POLA1: variants seen among roughly 807,000 people sequenced by gnomAD.
POLA1 encodes the protein DNA polymerase alpha 1, catalytic subunit.
Under a neutral mutation model 124.0 loss-of-function variants are expected in POLA1, and 15 were observed. The ratio of observed to expected loss-of-function variants is 0.12; its 90% CI spans 0.08 to 0.19. The LOEUF (loss-of-function observed/expected upper bound fraction) is 0.19, where lower values mean the gene tolerates loss of function less well. Among genes scored for constraint, POLA1 ranks in the 10% least tolerant of loss-of-function variants. The probability of loss-of-function intolerance (pLI) is 1.00; values close to 1 mark genes in which losing one functional copy is unlikely to be tolerated. For synonymous variants in POLA1, 408 were observed against 389.4 expected, an observed-to-expected ratio of 1.05 and a Z score of -0.56; for missense variants, 886 against 1,103.4, an observed-to-expected ratio of 0.80 and a Z score of 2.79.
At chrX:24,848,626 C>A (rs2046507246) in intron 34 of POLA1, among the ~76,000 whole-genome samples, 1 of 112,200 alleles carries the variant, frequency 8.9e-6, no homozygotes, top group Non-Finnish European at 1.9e-5. Context: ...ATCAAAAGTG[C>A]AATGAGGGCA....
intron 36 of POLA1, among the ~76,000 whole-genome samples, chrX:24,976,315 T>C (rs1366474838): frequency 8.9e-6 from 1 of 112,134 alleles, no homozygotes; most frequent in African/African-American, 3.2e-5. Context: ...GCAAGTTCCA[T>C]TGCCACTGTT....
chrX:24,978,314 A>G (rs2048388002), intron 36 of POLA1, among the ~76,000 whole-genome samples: 1 of 111,937 alleles, frequency 8.9e-6, no homozygotes, highest in Admixed American at 9.5e-5. Context: ...TGTGTGTACT[A>G]TCCTTTGAAC....
At chrX:24,808,521 T>G (rs991707569) in intron 26 of POLA1, among the ~76,000 whole-genome samples, 9 of 111,126 alleles carry the variant, frequency 8.1e-5, no homozygotes, top group East Asian at 2.8e-4. Flanking sequence ...TGTTTGTTTT[T>G]TTTTTTTTAA....
At chrX:24,701,583 C>G (rs767554873) in intron 2 of POLA1, among the ~76,000 whole-genome samples, 1 of 108,383 alleles carries the variant, frequency 9.2e-6, no homozygotes, top group African/African-American at 3.4e-5. Context: ...TTACAGGTGT[C>G]TGCCACCACG....
chrX:24,786,681 A>ATTTTT (rs1205219554), intron 26 of POLA1, among the ~76,000 whole-genome samples: 4 of 63,149 alleles, frequency 6.3e-5, no homozygotes, highest in Non-Finnish European at 1.2e-4. Flanking sequence ...GGCTTGGCTA[A>ATTTTT]TTTTTTTTTT....
intron 26 of POLA1, among the ~76,000 whole-genome samples, chrX:24,773,164 G>A (rs754164757): frequency 8.9e-6 from 1 of 112,194 alleles, no homozygotes; most frequent in African/African-American, 3.2e-5. Flanking sequence ...AGGACCTGAC[G>A]AAGTTTTTCA....
chrX:24,913,426 G>T (rs763518609), intron 35 of POLA1, among the ~76,000 whole-genome samples: 2 of 111,292 alleles, frequency 1.8e-5, no homozygotes, highest in East Asian at 5.6e-4. Flanking sequence ...AAAAGTCGTG[G>T]TAAGGCCAGG....
chrX:24,736,949 T>C (rs1358635515), intron 18 of POLA1, among the ~76,000 whole-genome samples: 1 of 112,253 alleles, frequency 8.9e-6, no homozygotes, highest in African/African-American at 3.2e-5. Flanking sequence ...CTTCATCTAA[T>C]TTTTGATAAA....
At position 24,741,396 on chromosome X, in the gene POLA1, C is replaced by T. The variant is rs764192007; in HGVS notation, c.2238C>T (p.Tyr746=). The change falls in exon 21 of 37, where the codon TAC becomes TAT. Residue 746 remains tyrosine (Y), a synonymous_variant. Transcript: ENST00000379068. ...ACAGTGAATCTTCTCAACTGTTATA[C>T]CTGTTGGAACACACCTGGAAAGATG... ...NMYSESSQLL[Y]LLEHTWKDAK... The T allele has an allele frequency of 8.4e-7, 1 of 1,191,096 alleles. No homozygotes were observed. Among genetic ancestry groups the T allele is most frequent in the Non-Finnish European group, 1.1e-6 (1 of 877,863 alleles).
At chrX:24,825,260 T>C (rs1044505534) in intron 31 of POLA1, among the ~76,000 whole-genome samples, 1 of 112,356 alleles carries the variant, frequency 8.9e-6, no homozygotes, top group Non-Finnish European at 1.9e-5. Flanking sequence ...GTTTGCTTCC[T>C]TTTTAGGTAT....
At chrX:24,711,710 G>T (rs754207391) in intron 4 of POLA1, among the ~76,000 whole-genome samples, 1 of 110,733 alleles carries the variant, frequency 9.0e-6, no homozygotes, top group Non-Finnish European at 1.9e-5. Flanking sequence ...TGATTCTTCC[G>T]CCTCAGCCTC....
At chrX:24,795,428 T>C (rs966327460) in intron 26 of POLA1, among the ~76,000 whole-genome samples, 2 of 111,544 alleles carry the variant, frequency 1.8e-5, no homozygotes, top group African/African-American at 6.5e-5. Flanking sequence ...TTTAATCTCT[T>C]CTTGGGTGAC....
intron 34 of POLA1, among the ~76,000 whole-genome samples, chrX:24,845,566 TC>T (rs1268125232): frequency 5.4e-5 from 6 of 111,974 alleles, no homozygotes; most frequent in African/African-American, 1.9e-4. Flanking sequence ...TGGTAGACCA[TC>T]CTGTTTCCTC....
At chrX:24,877,463 T>C (rs1369455048) in intron 34 of POLA1, among the ~76,000 whole-genome samples, 1 of 111,741 alleles carries the variant, frequency 8.9e-6, no homozygotes, top group Non-Finnish European at 1.9e-5. Flanking sequence ...AAAGTGCTCT[T>C]ACTGGACAAT....
intron 36 of POLA1, among the ~76,000 whole-genome samples, chrX:24,984,366 C>A (rs2048455091): frequency 8.9e-6 from 1 of 111,894 alleles, no homozygotes; most frequent in African/African-American, 3.3e-5. Flanking sequence ...ATACAACATT[C>A]CCTAATATGC....
chrX:24,822,016 C>G (rs948813411), intron 31 of POLA1, among the ~76,000 whole-genome samples: 3 of 110,856 alleles, frequency 2.7e-5, no homozygotes, highest in African/African-American at 9.8e-5. Context: ...TGAACATACC[C>G]TATGAGGAAA....
intron 26 of POLA1, among the ~76,000 whole-genome samples, chrX:24,751,657 C>T (rs1932326738): frequency 8.9e-6 from 1 of 111,931 alleles, no homozygotes; most frequent in African/African-American, 3.2e-5. Flanking sequence ...GATCCAAAGT[C>T]ACTTACAAAT....
chrX:24,762,489 C>A (rs919737326), intron 26 of POLA1, among the ~76,000 whole-genome samples: 1 of 112,009 alleles, frequency 8.9e-6, no homozygotes, highest in African/African-American at 3.2e-5. Flanking sequence ...GAGCTGAGAT[C>A]TAGAAAGTGT....
intron 10 of POLA1, among the ~76,000 whole-genome samples, chrX:24,718,426 G>A (rs1929989761): frequency 8.9e-6 from 1 of 111,902 alleles, no homozygotes. Context: ...AGCTTAACGA[G>A]CCAAGTACTA....
Sources: allele counts gnomAD v4.1 joint callset (sites outside exome capture counted in the v4.1 genomes callset), GRCh38; gene constraint gnomAD v4.1.1; transcripts MANE v1.5; gene names NCBI Gene and HGNC (gene_info 2026-07-23, HGNC 2026-07-21).